Variants in LRRC1 observed in about 807,000 individuals in gnomAD.
LRRC1 encodes the protein leucine-rich repeat-containing protein 1.
A neutral mutation model predicts 69.9 loss-of-function variants in LRRC1; 28 were observed. That is an observed-to-expected ratio of 0.40 (90% CI 0.30 to 0.55). The LOEUF is 0.55. Ranked by LOEUF, LRRC1 falls within the 20% of genes least tolerant of loss-of-function variation. LRRC1 has a pLI of 0.47. For missense variants in LRRC1, 498 were observed against 609.0 expected (o/e 0.82, Z 1.92); for synonymous variants, 236 against 240.2 (o/e 0.98, Z 0.16).
At position 53,922,948 on chromosome 6, in the gene LRRC1, C is replaced by T. The variant is rs1005421279; in HGVS notation, c.*155C>T. ...GAAGCTGCTGTCTCCCAGGAAGTGCCTTACTCATCCCGCAACCAGTCAGCG... is the reference window on the plus strand; with the variant it reads ...GAAGCTGCTGTCTCCCAGGAAGTGCTTTACTCATCCCGCAACCAGTCAGCG... On this transcript the variant is annotated 3_prime_UTR_variant, in exon 14 of 14. Coordinates refer to ENST00000370888, the MANE Select transcript of LRRC1 (RefSeq NM_018214.5). 1.5e-6 allele frequency: 1 copy of T among 646,726 alleles called. No individual in the cohort carries two copies. Among genetic ancestry groups the T allele is most frequent in the South Asian group, 2.4e-5 (1 of 41,570 alleles). 40.1% of individuals were successfully genotyped at this position (646,726 alleles called of 1,614,324 possible).
chr6:53,823,532 T>C (rs902100174), intron 1 of LRRC1, among the ~76,000 whole-genome samples: 1 of 152,220 alleles, frequency 6.6e-6, no homozygotes, highest in Non-Finnish European at 1.5e-5. Flanking sequence ...CAAGGGTACA[T>C]GTGCAGGTTT....
At chr6:53,836,354 T>C (rs1030102683) in intron 1 of LRRC1, among the ~76,000 whole-genome samples, 1 of 152,200 alleles carries the variant, frequency 6.6e-6, no homozygotes, top group Non-Finnish European at 1.5e-5. Context: ...CTAACTTATA[T>C]GCGTAGGTAT....
intron 2 of LRRC1, among the ~76,000 whole-genome samples, chr6:53,859,127 G>T (rs1766413431): frequency 6.6e-6 from 1 of 152,152 alleles, no homozygotes; most frequent in South Asian, 2.1e-4. Context: ...TTCAAACCAT[G>T]TGGACAAAGC....
At chr6:53,899,495 A>T (rs1233823116) in intron 7 of LRRC1, among the ~76,000 whole-genome samples, 2 of 148,682 alleles carry the variant, frequency 1.3e-5, no homozygotes, top group Admixed American at 1.3e-4. Flanking sequence ...ATTAAGTGGG[A>T]ATGATTCCTT....
intron 2 of LRRC1, among the ~76,000 whole-genome samples, chr6:53,870,020 T>A (rs1766830336): frequency 6.6e-6 from 1 of 152,180 alleles, no homozygotes; most frequent in Non-Finnish European, 1.5e-5. Flanking sequence ...AAAGAAGTGG[T>A]GTTGGGAGTC....
At chr6:53,883,031 C>T (rs1201746926) in intron 4 of LRRC1, 55 bp downstream of exon 4, 1 of 1,032,608 alleles carries the variant, frequency 9.7e-7, no homozygotes, top group Non-Finnish European at 1.5e-6. Context: ...TTTATATCAT[C>T]AGCTCTAGCC....
chr6:53,812,645 G>A (rs1279825149), intron 1 of LRRC1, among the ~76,000 whole-genome samples: 7 of 138,912 alleles, frequency 5.0e-5, no homozygotes, highest in East Asian at 4.3e-4. Context: ...AGCCGAGATC[G>A]CGCCACTGCA....
At chr6:53,848,258 C>T (rs1766011569) in intron 2 of LRRC1, among the ~76,000 whole-genome samples, 2 of 152,230 alleles carry the variant, frequency 1.3e-5, no homozygotes, top group South Asian at 4.1e-4. Flanking sequence ...TCCTCTCTGC[C>T]TTAACCTTTA....
intron 4 of LRRC1, among the ~76,000 whole-genome samples, chr6:53,885,323 A>G (rs1767438230): frequency 6.6e-6 from 1 of 152,246 alleles, no homozygotes; most frequent in Non-Finnish European, 1.5e-5. Context: ...GCAAGGCTTC[A>G]TTCATTTCTG....
chr6:53,839,702 AT>A (rs1216830017), intron 1 of LRRC1, among the ~76,000 whole-genome samples: 4 of 152,196 alleles, frequency 2.6e-5, no homozygotes, highest in African/African-American at 9.6e-5. Context: ...CATAACATAA[AT>A]TTTGGTTTTA....
intron 1 of LRRC1, among the ~76,000 whole-genome samples, chr6:53,803,464 T>C (rs1764549392): frequency 6.6e-6 from 1 of 152,206 alleles, no homozygotes; most frequent in Non-Finnish European, 1.5e-5. Flanking sequence ...TCTTCCTAAA[T>C]GCATAGGAGA....
chr6:53,849,080 T>C (rs1041019460), intron 2 of LRRC1, among the ~76,000 whole-genome samples: 1 of 137,526 alleles, frequency 7.3e-6, no homozygotes, highest in Non-Finnish European at 1.6e-5. Flanking sequence ...TTTTTTTTTT[T>C]AGTTAGCAGG....
intron 9 of LRRC1, among the ~76,000 whole-genome samples, 167 bp from the exon 10 acceptor site, chr6:53,904,212 A>G (rs557115480): frequency 3.9e-5 from 6 of 152,344 alleles, no homozygotes; most frequent in African/African-American, 1.4e-4. Context: ...AAAATACTTA[A>G]TGTCGCACCC....
chr6:53,922,493 C>T, intron 13 of LRRC1, 142 bp from the exon 14 acceptor site: 1 of 670,334 alleles, frequency 1.5e-6, no homozygotes. Context: ...AATGCACATA[C>T]ATCCAAAGAA....
intron 10 of LRRC1, among the ~76,000 whole-genome samples, chr6:53,911,128 G>A (rs928985518): frequency 1.3e-5 from 2 of 152,184 alleles, no homozygotes; most frequent in East Asian, 3.8e-4. Flanking sequence ...GCTCTTGTAC[G>A]CAATTGCTTT....
chr6:53,835,655 G>C (rs1472968247), intron 1 of LRRC1, among the ~76,000 whole-genome samples: 1 of 151,938 alleles, frequency 6.6e-6, no homozygotes, highest in Non-Finnish European at 1.5e-5. Flanking sequence ...CTATTTCTTG[G>C]CCTTTTCTTT....
chr6:53,899,364 A>G (rs1250217531), intron 7 of LRRC1, among the ~76,000 whole-genome samples: 1 of 152,222 alleles, frequency 6.6e-6, no homozygotes, highest in Non-Finnish European at 1.5e-5. Flanking sequence ...TCCCAGGGTC[A>G]CCCTGCAGTG....
intron 4 of LRRC1, chr6:53,884,123 A>C (rs1767391556): frequency 1.3e-5 from 8 of 634,860 alleles, no homozygotes; most frequent in Non-Finnish European, 2.3e-5. Context: ...GTATGGTATC[A>C]GTTGCAGAGA....
chr6:53,859,567 A>C (rs1443327018), intron 2 of LRRC1, among the ~76,000 whole-genome samples: 4 of 152,214 alleles, frequency 2.6e-5, no homozygotes, highest in Non-Finnish European at 5.9e-5. Context: ...TTTTCAGATA[A>C]GTCCGTGGAA....
Sources: gnomAD v4.1 joint callset for allele counts (sites outside exome capture counted in the v4.1 genomes callset) on GRCh38, gnomAD v4.1.1 for gene constraint, MANE v1.5 for transcripts, NCBI Gene and HGNC (gene_info 2026-07-23, HGNC 2026-07-21) for gene names.